Variants in HYDIN observed in about 807,000 individuals in gnomAD.
HYDIN encodes axonemal central pair apparatus protein HYDIN.
A neutral mutation model predicts 403.9 loss-of-function variants in HYDIN; 132 were observed. The ratio of observed to expected loss-of-function variants is 0.33; its 90% CI spans 0.28 to 0.38. HYDIN has a LOEUF of 0.38. Ranked by LOEUF, HYDIN falls within the 10% of genes least tolerant of loss-of-function variation. The pLI is 1.00. For synonymous variants in HYDIN, 1,202 were observed against 1,891.7 expected (o/e 0.64, Z 9.46); for missense variants, 2,827 against 5,009.5 (o/e 0.56, Z 13.15).
chr16:70,971,258 G>A (rs1172486718), intron 35 of HYDIN, among the ~76,000 whole-genome samples: 1 of 152,258 alleles, frequency 6.6e-6, no homozygotes, highest in East Asian at 1.9e-4. Flanking sequence ...TTGCTCCTGA[G>A]GAGTGATGAT....
intron 28 of HYDIN, among the ~76,000 whole-genome samples, chr16:70,982,312 T>C (rs919042956): frequency 6.6e-6 from 1 of 151,310 alleles, no homozygotes; most frequent in Admixed American, 6.6e-5. Context: ...CTGTATCCTA[T>C]ACAGAAGCTG....
At chr16:71,157,817 A>C (rs547140093) in intron 6 of HYDIN, among the ~76,000 whole-genome samples, 10 of 142,288 alleles carry the variant, frequency 7.0e-5, no homozygotes, top group Non-Finnish European at 1.5e-4. Context: ...TCCGAGATTC[A>C]TAACAGCGGT....
chr16:71,032,414 A>G lies in HYDIN; in HGVS notation c.2530-497T>C, dbSNP rs187362807. On this transcript the variant is annotated intron_variant, in intron 18 of 85. Transcript: ENST00000393567. ...CCAATTTCATTAATATAATATAAGA[A>G]GTCATCTGGATTTCTACTAATTTAT... Among the ~76,000 whole-genome samples the G allele has an allele frequency of 7.7e-3, 1,168 of 151,874 alleles. 7 individuals carry two copies. Among genetic ancestry groups the G allele is most frequent in the Non-Finnish European group, 0.012 (824 of 67,942 alleles).
intron 9 of HYDIN, among the ~76,000 whole-genome samples, chr16:71,124,296 G>C (rs2084367525): frequency 1.3e-5 from 2 of 152,254 alleles, no homozygotes; most frequent in Admixed American, 1.3e-4. Flanking sequence ...GTAAGACAGA[G>C]GAAGGACTTG....
At chr16:70,936,690 T>C (rs1426432161) in intron 44 of HYDIN, among the ~76,000 whole-genome samples, 2 of 151,380 alleles carry the variant, frequency 1.3e-5, no homozygotes, top group Admixed American at 1.3e-4. Flanking sequence ...TGCACCAACA[T>C]GCCCGGCTAA....
chr16:70,818,344 C>A lies in HYDIN; in HGVS notation c.14656G>T (p.Glu4886Ter). 1 of 1,611,904 alleles carries A rather than the reference C, an allele frequency of 6.2e-7. No homozygotes were observed. Among genetic ancestry groups the A allele is most frequent in the Non-Finnish European group, 8.5e-7 (1 of 1,178,882 alleles). ...CCCCGACAGCCAAGGGGCCGTACCT[C>A]GGAGTTGGCAGGCACCACAAACTGG... ...PSQFVVPANS[E>*]GTFSFEFQPL... Residue 4886 changes from glutamate (E) to a stop codon, truncating the protein, a stop_gained and splice_region_variant, in exon 84 of 86, where the codon GAG (glutamate) becomes TAG (stop). Transcript: ENST00000393567. LOFTEE classifies it high-confidence loss of function.
chr16:70,991,567 G>A (rs767728292), intron 24 of HYDIN, among the ~76,000 whole-genome samples, 171 bp from the exon 25 acceptor site: 47 of 151,726 alleles, frequency 3.1e-4, no homozygotes, highest in Admixed American at 4.6e-4. Flanking sequence ...TCAGGGCCCT[G>A]TTGCCCTATG....
intron 1 of HYDIN, among the ~76,000 whole-genome samples, chr16:71,218,583 T>G (rs2089016912): frequency 6.6e-6 from 1 of 152,210 alleles, no homozygotes; most frequent in Admixed American, 6.5e-5. Context: ...GATTAACAAG[T>G]ACAAAATTCC....
At chr16:70,834,505 C>T (rs1481324180) in intron 78 of HYDIN, among the ~76,000 whole-genome samples, 1 of 152,024 alleles carries the variant, frequency 6.6e-6, no homozygotes, top group Non-Finnish European at 1.5e-5. Flanking sequence ...AGAGCTCTGG[C>T]ACTTCTCAAG....
In HYDIN at chr16:70,860,672, A is replaced by G. The variant is rs1423508158; in HGVS notation, c.11990+17T>C. 2 of 526,740 alleles carry G rather than the reference A, an allele frequency of 3.8e-6. No homozygotes were observed. Among genetic ancestry groups the G allele is most frequent in the Non-Finnish European group, 3.2e-6 (1 of 309,106 alleles). The allele number at this position is 526,740 out of a possible 1,614,324, so 32.6% of individuals were successfully genotyped here. On this transcript the variant is annotated intron_variant, in intron 70 of 85. Coordinates refer to ENST00000393567, the MANE Select transcript of HYDIN (RefSeq NM_001270974.2). ...GGACCGATGTGAATTCAATCAATGT[A>G]AACCTAAGCAACTCACCGGAGATTC...
intron 18 of HYDIN, among the ~76,000 whole-genome samples, chr16:71,040,870 C>CT (rs72523682): frequency 0.044 from 3,101 of 69,908 alleles, 106 homozygotes; most frequent in Middle Eastern, 0.077. Context: ...ATCCCCATTT[C>CT]CTGCTTTTTT....
chr16:71,050,255 G>A (rs1366138033), intron 18 of HYDIN, among the ~76,000 whole-genome samples: 2 of 151,020 alleles, frequency 1.3e-5, no homozygotes, highest in Non-Finnish European at 3.0e-5. Context: ...ACAATAATCA[G>A]ACTAACAGCA....
intron 6 of HYDIN, among the ~76,000 whole-genome samples, chr16:71,158,815 G>A (rs1057416527): frequency 2.7e-5 from 4 of 149,860 alleles, no homozygotes; most frequent in African/African-American, 9.9e-5. Context: ...CCAAGTAGCT[G>A]GAACTGCAGG....
intron 21 of HYDIN, among the ~76,000 whole-genome samples, chr16:71,022,821 C>T (rs1194670215): frequency 1.3e-5 from 2 of 148,764 alleles, no homozygotes; most frequent in African/African-American, 2.5e-5. Flanking sequence ...AAGAAGTTAC[C>T]GCCATATTCC....
intron 23 of HYDIN, among the ~76,000 whole-genome samples, chr16:71,017,106 G>A (rs1265900700): frequency 7.9e-5 from 12 of 151,894 alleles, no homozygotes; most frequent in African/African-American, 1.5e-4. Flanking sequence ...TTGGCAGGCC[G>A]AGGCGGGCGG....
At chr16:70,841,018 A>G (rs1256843708) in intron 75 of HYDIN, among the ~76,000 whole-genome samples, 3 of 152,130 alleles carry the variant, frequency 2.0e-5, no homozygotes, top group South Asian at 4.1e-4. Context: ...TAGAATAAAC[A>G]TTATTAGAAT....
Position 71,186,848 on chromosome 16 carries a change from TCCCATCTGAACAGCC to T in HYDIN, c.33_47del (p.Ala12_Gly16del). ...GAAATCCTTTGAACATATTGACCAA[TCCCATCTGAACAGCC>T]CCCATGGACTCCTCAAGTCTTCTAC... On this transcript the variant is annotated inframe_deletion, in exon 2 of 86. Coordinates refer to ENST00000393567, the MANE Select transcript of HYDIN (RefSeq NM_001270974.2). 2 of 1,613,280 alleles carry T rather than the reference TCCCATCTGAACAGCC, an allele frequency of 1.2e-6. No individual in the cohort carries two copies. Among genetic ancestry groups the T allele is most frequent in the Non-Finnish European group, 1.7e-6 (2 of 1,179,390 alleles).
chr16:70,866,957 G>A (rs1264974896), intron 66 of HYDIN, among the ~76,000 whole-genome samples: 1 of 150,980 alleles, frequency 6.6e-6, no homozygotes, highest in Non-Finnish European at 1.5e-5. Flanking sequence ...CCTAGGAGGT[G>A]GAGGTTGCAG....
In HYDIN at chr16:70,840,116, G is replaced by A; in HGVS notation, c.12991C>T (p.Pro4331Ser). ...GTCFIYQAGM[P>S]PYKQTLVITN... Reference sequence around the variant, plus strand: ...ATTACCAGGGTTTGTTTGTATGGGGGCATCCCAGCTTGATAGATAAAGCAG... The same window carrying A: ...ATTACCAGGGTTTGTTTGTATGGGGACATCCCAGCTTGATAGATAAAGCAG... Residue 4331 changes from proline to serine, a missense_variant, in exon 76 of 86, where the codon CCC becomes TCC. Coordinates refer to ENST00000393567, the MANE Select transcript of HYDIN (RefSeq NM_001270974.2). 3 of 856,004 alleles carry A rather than the reference G, an allele frequency of 3.5e-6. No individual in the cohort carries two copies. Among genetic ancestry groups the A allele is most frequent in the Non-Finnish European group, 5.4e-6 (3 of 557,458 alleles). 53.0% of individuals were successfully genotyped at this position (856,004 alleles called of 1,614,324 possible).
Sources: gnomAD v4.1 joint callset for allele counts (sites outside exome capture counted in the v4.1 genomes callset) on GRCh38, gnomAD v4.1.1 for gene constraint, MANE v1.5 for transcripts, NCBI Gene and HGNC (gene_info 2026-07-23, HGNC 2026-07-21) for gene names.